Variants in CAMKMT observed in about 807,000 individuals in gnomAD.
CAMKMT encodes the protein calmodulin-lysine N-methyltransferase.
A neutral mutation model predicts 48.0 loss-of-function variants in CAMKMT; 53 were observed. The observed-to-expected ratio is 1.10, with a 90% CI of 0.89 to 1.39. The LOEUF (loss-of-function observed/expected upper bound fraction) is 1.39, where lower values mean the gene tolerates loss of function less well. CAMKMT is among the 40% of genes most tolerant of loss of function. The probability of loss-of-function intolerance (pLI) is 0.00; values close to 1 mark genes in which losing one functional copy is unlikely to be tolerated. For missense variants in CAMKMT, 428 were observed against 402.7 expected (o/e 1.06, Z -0.54); for synonymous variants, 165 against 152.3 (o/e 1.08, Z -0.61).
At chr2:44,623,418 G>A (rs1672302164) in intron 3 of CAMKMT, among the ~76,000 whole-genome samples, 1 of 151,990 alleles carries the variant, frequency 6.6e-6, no homozygotes, top group African/African-American at 2.4e-5. Context: ...TACAGAGGAG[G>A]GTATTTCCTA....
intron 3 of CAMKMT, among the ~76,000 whole-genome samples, chr2:44,584,336 G>A (rs938648884): frequency 6.6e-6 from 1 of 152,130 alleles, no homozygotes; most frequent in Non-Finnish European, 1.5e-5. Context: ...TTTTATTTAT[G>A]AGCTGTGAAA....
intron 2 of CAMKMT, among the ~76,000 whole-genome samples, chr2:44,388,052 T>C (rs1050398829): frequency 6.6e-6 from 1 of 152,142 alleles, no homozygotes; most frequent in Non-Finnish European, 1.5e-5. Context: ...CTTCTTGTAG[T>C]TGGATGTCTA....
chr2:44,711,583 T>G (rs1677881073), intron 6 of CAMKMT, among the ~76,000 whole-genome samples: 1 of 152,214 alleles, frequency 6.6e-6, no homozygotes, highest in Non-Finnish European at 1.5e-5. Flanking sequence ...CCCTAAGTGT[T>G]GGGATTACAG....
chr2:44,649,127 G>C (rs1237987157), intron 3 of CAMKMT, among the ~76,000 whole-genome samples: 1 of 152,098 alleles, frequency 6.6e-6, no homozygotes, highest in Admixed American at 6.5e-5. Context: ...TTAACTGGGG[G>C]TATATTGAAC....
At chr2:44,610,022 A>T (rs1383283354) in intron 3 of CAMKMT, among the ~76,000 whole-genome samples, 1 of 152,208 alleles carries the variant, frequency 6.6e-6, no homozygotes, top group Non-Finnish European at 1.5e-5. Flanking sequence ...ATTGACTGTC[A>T]AGAAAATAAA....
At chr2:44,539,606 C>G (rs1434299846) in intron 3 of CAMKMT, among the ~76,000 whole-genome samples, 1 of 152,098 alleles carries the variant, frequency 6.6e-6, no homozygotes, top group Admixed American at 6.6e-5. Flanking sequence ...AGTTCACAAT[C>G]ATGCCTTTCC....
rs1681774244 is a variant in CAMKMT at position 44,395,739 on chromosome 2, AT to A, written c.376+5440del. 2.6e-5 allele frequency among the ~76,000 whole-genome samples: 4 copies of A among 152,140 alleles called. No individual in the cohort carries two copies. The South Asian group carries it at 8.3e-4, about 31-fold the overall frequency. ...CAAGTAAACTGTAAATAGTATTTGT[AT>A]TTTTTATGGTTAGTAATATCATCTG... On this transcript the variant is annotated intron_variant, in intron 3 of 10. Transcript: ENST00000378494.
intron 3 of CAMKMT, among the ~76,000 whole-genome samples, chr2:44,473,951 A>G (rs993458064): frequency 4.1e-4 from 62 of 152,208 alleles, no homozygotes; most frequent in African/African-American, 1.3e-3. Flanking sequence ...ATGAGGCACC[A>G]TCCAAATTGA....
intron 3 of CAMKMT, among the ~76,000 whole-genome samples, chr2:44,507,373 T>TA (rs1399581604): frequency 1.3e-5 from 2 of 152,042 alleles, no homozygotes; most frequent in East Asian, 1.9e-4. Flanking sequence ...GGAGCACTTA[T>TA]AAAAAAAACC....
chr2:44,471,866 A>G (rs542637777), intron 3 of CAMKMT, among the ~76,000 whole-genome samples: 1 of 152,046 alleles, frequency 6.6e-6, no homozygotes, highest in Admixed American at 6.5e-5. Context: ...TTTTTAGTAG[A>G]AATGGGGTTT....
intron 3 of CAMKMT, among the ~76,000 whole-genome samples, chr2:44,536,690 G>A (rs954628195): frequency 6.6e-6 from 1 of 152,078 alleles, no homozygotes; most frequent in African/African-American, 2.4e-5. Context: ...AACCAAAAAA[G>A]AGCCTGAATA....
At chr2:44,420,090 A>G (rs1430172224) in intron 3 of CAMKMT, among the ~76,000 whole-genome samples, 1 of 152,194 alleles carries the variant, frequency 6.6e-6, no homozygotes, top group East Asian at 1.9e-4. Flanking sequence ...TTAGATAATT[A>G]TATGTAAAGA....
intron 3 of CAMKMT, among the ~76,000 whole-genome samples, chr2:44,545,915 T>G: frequency 6.6e-6 from 1 of 152,102 alleles, no homozygotes; most frequent in East Asian, 1.9e-4. Flanking sequence ...ACAGTGATCC[T>G]TTGATGAACA....
At chr2:44,754,266 A>G in intron 9 of CAMKMT, 148 bp downstream of exon 9, 1 of 634,370 alleles carries the variant, frequency 1.6e-6, no homozygotes, top group Non-Finnish European at 2.7e-6. Flanking sequence ...CTTCTGATCT[A>G]TTAGATTCTT....
At chr2:44,453,705 A>C (rs1667415432) in intron 3 of CAMKMT, among the ~76,000 whole-genome samples, 1 of 152,096 alleles carries the variant, frequency 6.6e-6, no homozygotes, top group Non-Finnish European at 1.5e-5. Context: ...GGAGAGGGGC[A>C]GATGTTACTG....
At chr2:44,500,193 C>G (rs999621971) in intron 3 of CAMKMT, among the ~76,000 whole-genome samples, 20 of 152,088 alleles carry the variant, frequency 1.3e-4, no homozygotes, top group African/African-American at 4.8e-4. Context: ...TAATCTAGTT[C>G]TCACTAGGGT....
At chr2:44,637,320 C>G (rs542668089) in intron 3 of CAMKMT, among the ~76,000 whole-genome samples, 1 of 152,208 alleles carries the variant, frequency 6.6e-6, no homozygotes, top group Non-Finnish European at 1.5e-5. Context: ...TGCAATTGCA[C>G]AAGCAAAGTG....
chr2:44,380,167 C>G (rs1165895432), intron 2 of CAMKMT, among the ~76,000 whole-genome samples: 4 of 151,994 alleles, frequency 2.6e-5, no homozygotes, highest in Non-Finnish European at 5.9e-5. Context: ...TTCCTCAGTC[C>G]TTACTCAGCA....
chr2:44,581,173 C>T (rs1669537754), intron 3 of CAMKMT, among the ~76,000 whole-genome samples: 1 of 152,080 alleles, frequency 6.6e-6, no homozygotes, highest in African/African-American at 2.4e-5. Flanking sequence ...TCAAAGATTA[C>T]CTTTTCTGAA....
Sources: allele counts gnomAD v4.1 joint callset (sites outside exome capture counted in the v4.1 genomes callset), GRCh38; gene constraint gnomAD v4.1.1; transcripts MANE v1.5; gene names NCBI Gene and HGNC (gene_info 2026-07-23, HGNC 2026-07-21).